The following MARCHF8 variants were observed in gnomAD, a reference collection of about 807,000 sequenced individuals.
MARCHF8 encodes the protein membrane associated ring-CH-type finger 8.
MARCHF8 carries 40 observed loss-of-function variants against 51.6 expected under a neutral mutation model. The observed-to-expected ratio is 0.77, with a 90% CI of 0.60 to 1.01. The LOEUF is 1.01. Among genes scored for constraint, MARCHF8 ranks in the 50% least tolerant of loss-of-function variants. MARCHF8 has a pLI of 0.00. For missense variants in MARCHF8, 685 were observed against 708.6 expected (o/e 0.97, Z 0.38); for synonymous variants, 263 against 280.3 (o/e 0.94, Z 0.62).
chr10:45,579,938 G>C (rs1038605779), intron 1 of MARCHF8, among the ~76,000 whole-genome samples: 1 of 148,584 alleles, frequency 6.7e-6, no homozygotes, highest in Admixed American at 6.8e-5. Context: ...GCTTGAACTC[G>C]GGAGGCGGAG....
chr10:45,459,347 G>A, intron 6 of MARCHF8, 80 bp from the exon 7 acceptor site: 4 of 1,472,882 alleles, frequency 2.7e-6, no homozygotes, highest in Non-Finnish European at 3.7e-6. Context: ...AGGTAGGTAA[G>A]ATTGGCTTTC....
chr10:45,531,312 TGAAA>T (rs1165734243), intron 2 of MARCHF8, among the ~76,000 whole-genome samples: 1 of 152,030 alleles, frequency 6.6e-6, no homozygotes, highest in African/African-American at 2.4e-5. Flanking sequence ...TAAATAAAGC[TGAAA>T]GAAGTCATTG....
intron 1 of MARCHF8, among the ~76,000 whole-genome samples, chr10:45,560,524 C>A (rs1322662618): frequency 6.6e-6 from 1 of 152,160 alleles, no homozygotes; most frequent in Non-Finnish European, 1.5e-5. Flanking sequence ...TCATTAAATC[C>A]GTGCTGAATA....
intron 2 of MARCHF8, among the ~76,000 whole-genome samples, chr10:45,519,175 C>A (rs1284124543): frequency 1.3e-5 from 2 of 152,202 alleles, no homozygotes; most frequent in African/African-American, 4.8e-5. Context: ...TTCATTCAAG[C>A]ATGGGTATCA....
At chr10:45,560,198 T>A (rs12269352) in intron 1 of MARCHF8, among the ~76,000 whole-genome samples, 47,423 of 151,856 alleles carry the variant, frequency 0.31, 7,611 homozygotes, top group Admixed American at 0.36. Flanking sequence ...GATAATGTTG[T>A]AGATGAGGAA....
At chr10:45,495,726 A>G (rs1472829649) in intron 2 of MARCHF8, among the ~76,000 whole-genome samples, 1 of 116,270 alleles carries the variant, frequency 8.6e-6, no homozygotes, top group Admixed American at 1.2e-4. Flanking sequence ...AAGCTTTCTT[A>G]TCTCTTAATT....
chr10:45,571,940 G>A (rs1307684083), intron 1 of MARCHF8, among the ~76,000 whole-genome samples: 1 of 152,240 alleles, frequency 6.6e-6, no homozygotes, highest in South Asian at 2.1e-4. Context: ...TAATCACGCG[G>A]GGACACCTAC....
At chr10:45,538,499 C>G (rs1167648081), upstream of MARCHF8, among the ~76,000 whole-genome samples, 1 of 152,130 alleles carries the variant, frequency 6.6e-6, no homozygotes, top group Non-Finnish European at 1.5e-5. Flanking sequence ...ACTAAATGCT[C>G]CAATTAAAAG....
intron 2 of MARCHF8, among the ~76,000 whole-genome samples, chr10:45,503,564 T>TAAATAAATAAATAAATAAATA (rs1564489394): frequency 6.7e-6 from 1 of 149,986 alleles, no homozygotes; most frequent in Admixed American, 6.6e-5. Flanking sequence ...AATAAATAAA[T>TAAATAAATAAATAAATAAATA]AAATAAAATA....
chr10:45,469,982 A>G (rs943612056), intron 3 of MARCHF8, among the ~76,000 whole-genome samples: 1 of 152,154 alleles, frequency 6.6e-6, no homozygotes, highest in African/African-American at 2.4e-5. Context: ...TTATCAAAAA[A>G]AAATAAAAGA....
chr10:45,483,120 A>G (rs1328369599), intron 3 of MARCHF8, among the ~76,000 whole-genome samples: 1 of 152,238 alleles, frequency 6.6e-6, no homozygotes, highest in Non-Finnish European at 1.5e-5. Flanking sequence ...CATAGGCAAC[A>G]AAACCAAAAA....
intron 3 of MARCHF8, among the ~76,000 whole-genome samples, chr10:45,483,368 G>A (rs533696398): frequency 1.3e-5 from 2 of 152,154 alleles, no homozygotes; most frequent in African/African-American, 2.4e-5. Context: ...GTAAATGACC[G>A]ACAGCTGCAT....
At chr10:45,518,602 T>C (rs993517265) in intron 2 of MARCHF8, among the ~76,000 whole-genome samples, 1 of 152,190 alleles carries the variant, frequency 6.6e-6, no homozygotes, top group Non-Finnish European at 1.5e-5. Context: ...AGACGAGATA[T>C]CCAGTTTGCT....
intron 2 of MARCHF8, among the ~76,000 whole-genome samples, chr10:45,515,730 G>A (rs1415956444): frequency 1.3e-5 from 2 of 152,126 alleles, no homozygotes; most frequent in Admixed American, 6.5e-5. Flanking sequence ...AAGGACATTC[G>A]ATCTGGCTTG....
At chr10:45,486,391 C>G (rs1239658452) in intron 3 of MARCHF8, among the ~76,000 whole-genome samples, 2 of 152,150 alleles carry the variant, frequency 1.3e-5, no homozygotes, top group East Asian at 3.9e-4. Flanking sequence ...TAGTGAAACC[C>G]TGTCTCTACT....
chr10:45,491,538 C>T (rs752063921), intron 2 of MARCHF8, among the ~76,000 whole-genome samples: 3 of 152,064 alleles, frequency 2.0e-5, no homozygotes, highest in Admixed American at 1.3e-4. Context: ...AGCAAGACTC[C>T]GTATCAACAA....
At chr10:45,474,403 C>CAGGCAGAGG (rs1381843027) in intron 3 of MARCHF8, among the ~76,000 whole-genome samples, 2 of 152,058 alleles carry the variant, frequency 1.3e-5, no homozygotes, top group African/African-American at 4.8e-5. Context: ...GGCCCCTTGA[C>CAGGCAGAGG]AGGCAGAGGC....
At chr10:45,577,401 C>T (rs1022818010) in intron 1 of MARCHF8, among the ~76,000 whole-genome samples, 14 of 152,180 alleles carry the variant, frequency 9.2e-5, no homozygotes, top group African/African-American at 2.9e-4. Flanking sequence ...AGGATAAATG[C>T]ATGAGGGGAT....
intron 1 of MARCHF8, among the ~76,000 whole-genome samples, chr10:45,559,941 G>A (rs1267862473): frequency 6.6e-6 from 1 of 152,070 alleles, no homozygotes; most frequent in Non-Finnish European, 1.5e-5. Context: ...CCTTCCAAGG[G>A]AGCGGGCCTC....
Sources: gnomAD v4.1 joint callset for allele counts (sites outside exome capture counted in the v4.1 genomes callset) on GRCh38, gnomAD v4.1.1 for gene constraint, MANE v1.5 for transcripts, NCBI Gene and HGNC (gene_info 2026-07-23, HGNC 2026-07-21) for gene names.